Variants in CACNA1C observed in about 807,000 individuals in gnomAD.
CACNA1C encodes the protein calcium voltage-gated channel subunit alpha1 C, also known as voltage-dependent L-type calcium channel subunit alpha-1C.
Under a neutral mutation model 229.0 loss-of-function variants are expected in CACNA1C, and 30 were observed. That is an observed-to-expected ratio of 0.13 (90% CI 0.10 to 0.18). The LOEUF is 0.18. Ranked by LOEUF, CACNA1C falls within the 10% of genes least tolerant of loss-of-function variation. The probability of loss-of-function intolerance (pLI) is 1.00; values close to 1 mark genes in which losing one functional copy is unlikely to be tolerated. For synonymous variants in CACNA1C, 1,114 were observed against 1,132.5 expected, an observed-to-expected ratio of 0.98 and a Z score of 0.33; for missense variants, 1,658 against 2,845.0, an observed-to-expected ratio of 0.58 and a Z score of 9.49.
intron 1 of CACNA1C, among the ~76,000 whole-genome samples, chr12:2,075,452 C>T (rs569011420): frequency 6.6e-6 from 1 of 152,308 alleles, no homozygotes; most frequent in South Asian, 2.1e-4. Flanking sequence ...ACCTGACGTT[C>T]CCAGGGCCTC....
At chr12:1,991,951 T>C in intron 1 of CACNA1C, 1 of 185,268 alleles carries the variant, frequency 5.4e-6, no homozygotes, top group South Asian at 9.7e-5. Flanking sequence ...ACTTAAATTA[T>C]ATATTAATTT....
In CACNA1C at chr12:2,304,247, G is replaced by A. The variant is rs368941471; in HGVS notation, c.478-144729G>A. Among the ~76,000 whole-genome samples the A allele has an allele frequency of 2.5e-4, 38 of 152,228 alleles. No homozygotes were observed. In the East Asian group the frequency reaches 2.7e-3, roughly 11 times the overall value. ...TGCCAGCCGGGCGTGTGTGTGAGGC[G>A]AGGTGGAGGGCTTGAGGAGGTGCAC... On this transcript the variant is annotated intron_variant, in intron 3 of 46. Transcript: ENST00000399655.
At chr12:2,550,692 TG>T in intron 10 of CACNA1C, 1 of 1,320,286 alleles carries the variant, frequency 7.6e-7, no homozygotes, top group Non-Finnish European at 1.0e-6. Context: ...TTGCTCCACC[TG>T]GGGGGCGGGG....
At chr12:2,023,717 G>GTTTGACAAAAATGTGCC (rs529567466) in intron 1 of CACNA1C, among the ~76,000 whole-genome samples, 31 of 152,306 alleles carry the variant, frequency 2.0e-4, no homozygotes, top group African/African-American at 7.5e-4. Flanking sequence ...AGTAAGTCCA[G>GTTTGACAAAAATGTGCC]TTTGACAAAA....
chr12:1,983,808 A>G (rs1228820184), intron 1 of CACNA1C, among the ~76,000 whole-genome samples: 2 of 151,934 alleles, frequency 1.3e-5, no homozygotes, highest in Non-Finnish European at 2.9e-5. Flanking sequence ...GATTGTAGAA[A>G]GTGGAGCACT....
chr12:2,436,036 G>T (rs2099131386), intron 3 of CACNA1C, among the ~76,000 whole-genome samples: 1 of 152,208 alleles, frequency 6.6e-6, no homozygotes, highest in Non-Finnish European at 1.5e-5. Flanking sequence ...CAGGCAAGGG[G>T]CTGCAGGGGC....
intron 3 of CACNA1C, among the ~76,000 whole-genome samples, chr12:2,191,598 A>T (rs764987836): frequency 6.6e-6 from 1 of 152,064 alleles, no homozygotes; most frequent in Non-Finnish European, 1.5e-5. Flanking sequence ...ACATGCACTC[A>T]CACACATGCG....
In CACNA1C at chr12:2,121,525, CG is replaced by C. The variant is rs371531365; in HGVS notation, c.477+1098del. ...TAGCAGGTAAGGTGTTCACCGCCTG[CG>C]GGCTGTGGTGTCTTGTGGCTCGGCT... On this transcript the variant is annotated intron_variant, in intron 3 of 46. Transcript: ENST00000399655. Among the ~76,000 whole-genome samples, 750 of 152,322 alleles carry C rather than the reference CG, an allele frequency of 4.9e-3. 4 individuals are homozygous for C. Among genetic ancestry groups the C allele is most frequent in the African/African-American group, 0.017 (699 of 41,574 alleles).
intron 9 of CACNA1C, among the ~76,000 whole-genome samples, chr12:2,518,308 A>C (rs2099801864): frequency 6.6e-6 from 1 of 152,128 alleles, no homozygotes; most frequent in Non-Finnish European, 1.5e-5. Flanking sequence ...TAGTTATTTG[A>C]TCTTTAAAAA....
intron 1 of CACNA1C, among the ~76,000 whole-genome samples, chr12:1,997,637 T>C (rs1372163087): frequency 6.6e-6 from 1 of 152,240 alleles, no homozygotes; most frequent in Non-Finnish European, 1.5e-5. Flanking sequence ...TTCAAGAACT[T>C]TGTGCCATTC....
chr12:2,151,036 A>G (rs550136649), intron 3 of CACNA1C, among the ~76,000 whole-genome samples: 1 of 152,264 alleles, frequency 6.6e-6, no homozygotes, highest in East Asian at 1.9e-4. Flanking sequence ...GTCTGTGGCA[A>G]TTACGGAGAA....
At position 2,109,234 on chromosome 12, in the gene CACNA1C, C is replaced by A. The variant is rs1405728076; in HGVS notation, c.50-5990C>A. ...CTACTCACGGCTGATTGGGGGGTCC[C>A]TTTCCAATGCCAGGGGCGTTGGGCA... is the stretch of plus-strand genomic sequence containing the variant. On this transcript the variant is annotated intron_variant, in intron 1 of 46. Transcript: ENST00000399655. 3.3e-5 allele frequency among the ~76,000 whole-genome samples: 5 copies of A among 152,132 alleles called. No individual in the cohort carries two copies. In the East Asian group the frequency reaches 9.7e-4, roughly 29 times the overall value.
At chr12:2,132,370 C>T (rs1596711367) in intron 3 of CACNA1C, among the ~76,000 whole-genome samples, 1 of 24,870 alleles carries the variant, frequency 4.0e-5, no homozygotes, top group African/African-American at 2.5e-4. Flanking sequence ...AGAGGGCATC[C>T]CTGTCTTGTG....
chr12:2,404,205 C>T (rs981508832), intron 3 of CACNA1C, among the ~76,000 whole-genome samples: 4 of 152,176 alleles, frequency 2.6e-5, no homozygotes, highest in Non-Finnish European at 4.4e-5. Context: ...AAACTCGAGC[C>T]GTGTCCTTAG....
In CACNA1C at chr12:2,677,481, C is replaced by T; in HGVS notation, c.4957-252C>T. The T allele has an allele frequency of 3.3e-6, 2 of 611,094 alleles. No homozygotes were observed. Among genetic ancestry groups the T allele is most frequent in the South Asian group, 2.1e-5 (1 of 47,722 alleles). 37.9% of individuals were successfully genotyped at this position (611,094 alleles called of 1,614,324 possible). ...ATCTCTCAAATACTTCACTGAGGCTCCCGTGACAGCCCCTGACCCCTGGTG... is the reference window on the plus strand; with the variant it reads ...ATCTCTCAAATACTTCACTGAGGCTTCCGTGACAGCCCCTGACCCCTGGTG... On this transcript the variant is annotated intron_variant, in intron 40 of 46. Coordinates refer to ENST00000399655, the MANE Select transcript of CACNA1C (RefSeq NM_000719.7). The surrounding 1 kb of genome is among the most constrained non-coding windows in gnomAD (Gnocchi z 7.4).
intron 3 of CACNA1C, among the ~76,000 whole-genome samples, chr12:2,439,692 G>A (rs2099197979): frequency 6.6e-6 from 1 of 151,780 alleles, no homozygotes; most frequent in African/African-American, 2.4e-5. Flanking sequence ...CAACTACAGA[G>A]AAAGAGATAA....
chr12:2,077,259 G>C (rs2063547799), intron 1 of CACNA1C, among the ~76,000 whole-genome samples: 1 of 152,080 alleles, frequency 6.6e-6, no homozygotes, highest in Non-Finnish European at 1.5e-5. Flanking sequence ...ATGACATTAG[G>C]GTTCAGACTT....
chr12:2,306,706 C>T (rs1308716821), intron 3 of CACNA1C, among the ~76,000 whole-genome samples: 1 of 151,980 alleles, frequency 6.6e-6, no homozygotes, highest in Non-Finnish European at 1.5e-5. Flanking sequence ...GTATGTTAGT[C>T]AAAAAAAGTT....
intron 18 of CACNA1C, among the ~76,000 whole-genome samples, chr12:2,589,132 TTAA>T (rs1334412031): frequency 6.6e-6 from 1 of 152,112 alleles, no homozygotes; most frequent in Non-Finnish European, 1.5e-5. Context: ...CATGAAGCAT[TTAA>T]TGTGTGCCAG....
Sources: allele counts gnomAD v4.1 joint callset (sites outside exome capture counted in the v4.1 genomes callset), GRCh38; gene constraint gnomAD v4.1.1; non-coding constraint Gnocchi (gnomAD v3.1); transcripts MANE v1.5; gene names NCBI Gene and HGNC (gene_info 2026-07-23, HGNC 2026-07-21).